Variants in SUGCT observed in about 807,000 individuals in gnomAD.
SUGCT encodes succinyl-CoA:glutarate CoA-transferase.
Under a neutral mutation model 55.0 loss-of-function variants are expected in SUGCT, and 41 were observed. The observed-to-expected ratio is 0.74, with a 90% CI of 0.58 to 0.97. SUGCT has a LOEUF of 0.97. Among genes scored for constraint, SUGCT ranks in the 50% least tolerant of loss-of-function variants. SUGCT has a pLI of 0.00. For missense variants in SUGCT, 568 were observed against 547.8 expected, an observed-to-expected ratio of 1.04 and a Z score of -0.37; for synonymous variants, 187 against 200.4, an observed-to-expected ratio of 0.93 and a Z score of 0.56.
intron 7 of SUGCT, among the ~76,000 whole-genome samples, chr7:40,268,268 T>C (rs1791740382): frequency 6.6e-6 from 1 of 152,164 alleles, no homozygotes. Context: ...TATTCCTGCC[T>C]CCGCCCAGCC....
intron 6 of SUGCT, among the ~76,000 whole-genome samples, chr7:40,217,015 C>A (rs1401153471): frequency 1.3e-5 from 2 of 152,030 alleles, no homozygotes; most frequent in East Asian, 1.9e-4. Context: ...CATTTCCCCC[C>A]CCTCAGTCTT....
chr7:40,800,491 C>T (rs1311752348), intron 13 of SUGCT, among the ~76,000 whole-genome samples: 4 of 151,796 alleles, frequency 2.6e-5, no homozygotes, highest in East Asian at 1.9e-4. Context: ...GGGGTTTTAC[C>T]GTGTTGGCCA....
At chr7:40,219,555 T>G (rs1787904655) in intron 6 of SUGCT, among the ~76,000 whole-genome samples, 1 of 152,118 alleles carries the variant, frequency 6.6e-6, no homozygotes, top group Non-Finnish European at 1.5e-5. Context: ...TCATCTCAAT[T>G]GTAAAAGTTA....
In SUGCT at chr7:40,147,608, GCA is replaced by G. The variant is rs1788325457; in HGVS notation, c.100+12491_100+12492del. Reference sequence around the variant, plus strand: ...TGCGGCTTCTCCTTCCTTGGTCTGTGCACAGAGTTGTCACCACAGTATGTGAG... The same window carrying G: ...TGCGGCTTCTCCTTCCTTGGTCTGTGCAGAGTTGTCACCACAGTATGTGAG... On this transcript the variant is annotated intron_variant, in intron 1 of 13. Coordinates refer to ENST00000335693, the MANE Select transcript of SUGCT (RefSeq NM_001193313.2). Among the ~76,000 whole-genome samples the G allele has an allele frequency of 2.0e-5, 3 of 152,332 alleles. No individual in the cohort carries two copies. The South Asian group carries it at 6.2e-4, about 32-fold the overall frequency.
At chr7:40,204,163 A>AT (rs1423245064) in intron 6 of SUGCT, among the ~76,000 whole-genome samples, 8 of 150,016 alleles carry the variant, frequency 5.3e-5, no homozygotes, top group African/African-American at 1.5e-4. Context: ...TAATTTTTTG[A>AT]TTTTTTTGGT....
chr7:40,234,286 G>A (rs1788886596), intron 6 of SUGCT, among the ~76,000 whole-genome samples: 1 of 152,192 alleles, frequency 6.6e-6, no homozygotes, highest in African/African-American at 2.4e-5. Flanking sequence ...CCTTCCTGCC[G>A]ATGGTGGCAG....
intron 12 of SUGCT, among the ~76,000 whole-genome samples, chr7:40,508,439 A>G (rs1249878716): frequency 6.6e-6 from 1 of 152,176 alleles, no homozygotes; most frequent in Non-Finnish European, 1.5e-5. Flanking sequence ...CCTGCTCCTC[A>G]TGGGGTAAAG....
chr7:40,404,463 A>T (rs796412592), intron 9 of SUGCT, among the ~76,000 whole-genome samples: 1 of 149,108 alleles, frequency 6.7e-6, no homozygotes, highest in Admixed American at 6.7e-5. Context: ...TTTGAGGTGG[A>T]GTCTCACTCT....
At chr7:40,665,731 G>A (rs1250655755) in intron 12 of SUGCT, among the ~76,000 whole-genome samples, 1 of 152,064 alleles carries the variant, frequency 6.6e-6, no homozygotes, top group Non-Finnish European at 1.5e-5. Context: ...GGGGAACGGA[G>A]GCAGTGAGTG....
chr7:40,430,162 A>T (rs1787819102), intron 9 of SUGCT, among the ~76,000 whole-genome samples: 3 of 152,114 alleles, frequency 2.0e-5, no homozygotes, highest in African/African-American at 7.2e-5. Flanking sequence ...TGGTGATTTC[A>T]TTTCCTTTGG....
At chr7:40,628,734 TGTG>T (rs1562911220) in intron 12 of SUGCT, among the ~76,000 whole-genome samples, 1 of 150,250 alleles carries the variant, frequency 6.7e-6, no homozygotes, top group Non-Finnish European at 1.5e-5. Flanking sequence ...GTTCTGTGTG[TGTG>T]TGTGTGTGTG....
chr7:40,682,066 T>G (rs889501314), intron 12 of SUGCT, among the ~76,000 whole-genome samples: 6 of 152,328 alleles, frequency 3.9e-5, no homozygotes, highest in African/African-American at 1.4e-4. Flanking sequence ...ATTACCTTTT[T>G]GCTTATTAAG....
intron 9 of SUGCT, among the ~76,000 whole-genome samples, chr7:40,384,207 A>C (rs1246314571): frequency 6.6e-6 from 1 of 152,126 alleles, no homozygotes; most frequent in African/African-American, 2.4e-5. Context: ...TTCAATGGTA[A>C]GTGCATTGGG....
intron 12 of SUGCT, among the ~76,000 whole-genome samples, chr7:40,635,892 G>A (rs1300234928): frequency 6.6e-6 from 1 of 152,162 alleles, no homozygotes; most frequent in Non-Finnish European, 1.5e-5. Flanking sequence ...TTAAGTTACT[G>A]TGGACTTAAT....
At chr7:40,886,253 G>T in the SUGCT span, among the ~76,000 whole-genome samples, 27 of 152,090 alleles carry the variant, frequency 1.8e-4, no homozygotes, top group Non-Finnish European at 3.2e-4. Flanking sequence ...GCTATTGATG[G>T]TACCCTATCT....
intron 12 of SUGCT, among the ~76,000 whole-genome samples, chr7:40,555,105 C>T (rs569761202): frequency 3.3e-5 from 5 of 152,212 alleles, no homozygotes; most frequent in South Asian, 4.1e-4. Flanking sequence ...CAAAGTAGTA[C>T]GGCCTGCCCT....
At chr7:40,591,434 A>G (rs534432295) in intron 12 of SUGCT, among the ~76,000 whole-genome samples, 29 of 152,326 alleles carry the variant, frequency 1.9e-4, no homozygotes, top group African/African-American at 6.5e-4. Flanking sequence ...TTGAGATGGA[A>G]TCTATTCCTG....
chr7:40,233,312 C>T (rs190051111), intron 6 of SUGCT, among the ~76,000 whole-genome samples: 1,743 of 152,104 alleles, frequency 0.011, 16 homozygotes, highest in Non-Finnish European at 0.016. Flanking sequence ...CTCTGCCTCC[C>T]GGGTTCAAGC....
intron 13 of SUGCT, among the ~76,000 whole-genome samples, chr7:40,800,583 C>T (rs549143527): frequency 3.5e-4 from 54 of 152,216 alleles, no homozygotes; most frequent in Non-Finnish European, 7.1e-4. Context: ...TGAGCCACCG[C>T]GCCTGGCCCT....
Sources: gnomAD v4.1 joint callset for allele counts (sites outside exome capture counted in the v4.1 genomes callset) on GRCh38, gnomAD v4.1.1 for gene constraint, MANE v1.5 for transcripts, NCBI Gene and HGNC (gene_info 2026-07-23, HGNC 2026-07-21) for gene names.